Variants in ANKS1A observed in about 807,000 individuals in gnomAD.
The protein encoded by ANKS1A is ankyrin repeat and SAM domain-containing protein 1A.
In ANKS1A, 55 loss-of-function variants were observed where a neutral mutation model predicts 120.3. The observed-to-expected ratio is 0.46, with a 90% CI of 0.37 to 0.57. The LOEUF (loss-of-function observed/expected upper bound fraction) is 0.57. ANKS1A is among the 20% of genes least tolerant of loss of function. The probability of loss-of-function intolerance (pLI) is 0.00; values close to 1 mark genes in which losing one functional copy is unlikely to be tolerated. For synonymous variants in ANKS1A, 590 were observed against 604.7 expected, an observed-to-expected ratio of 0.98 and a Z score of 0.36; for missense variants, 1,123 against 1,480.3, an observed-to-expected ratio of 0.76 and a Z score of 3.96.
At chr6:35,095,596 G>A (rs1244884890), downstream of ANKS1A, among the ~76,000 whole-genome samples, 7 of 81,602 alleles carry the variant, frequency 8.6e-5, no homozygotes, top group Admixed American at 1.2e-4. Context: ...AAGAAAGAGA[G>A]AAAGAAAGAG....
At chr6:34,975,194 G>A (rs1190543199) in intron 3 of ANKS1A, among the ~76,000 whole-genome samples, 1 of 152,078 alleles carries the variant, frequency 6.6e-6, no homozygotes, top group Non-Finnish European at 1.5e-5. Context: ...GGAATTACAG[G>A]CATAATCCCA....
intron 1 of ANKS1A, among the ~76,000 whole-genome samples, chr6:34,906,399 G>A (rs997833647): frequency 1.3e-5 from 2 of 152,198 alleles, no homozygotes; most frequent in Non-Finnish European, 2.9e-5. Context: ...CTCTCTGCTC[G>A]TGAAACTTTC....
In ANKS1A at chr6:34,981,732, G is replaced by A; in HGVS notation, c.478G>A (p.Gly160Ser). ...ETALHCAAQYGHTEVVKVLLE... is the reference protein window; with the variant it reads ...ETALHCAAQYSHTEVVKVLLE... The stretch of plus-strand genomic sequence containing the variant: ...AGCCCTGCATTGTGCAGCGCAGTAT[G>A]GCCACACAGAGGTGGTGAAGGTGCT... Residue 160 changes from glycine (G) to serine (S), a missense_variant, in exon 4 of 24, where the codon GGC becomes AGC. Physicochemically the swap from Gly to Ser is moderately conservative, Grantham distance 56. Coordinates refer to ENST00000360359, the MANE Select transcript of ANKS1A (RefSeq NM_015245.3). 6.2e-7 allele frequency: 1 copy of A among 1,614,172 alleles called. No individual in the cohort carries two copies. The highest frequency in any genetic ancestry group is 8.5e-7 in the Non-Finnish European group (1 of 1,180,032).
At chr6:34,895,288 A>C (rs1767017569) in intron 1 of ANKS1A, among the ~76,000 whole-genome samples, 1 of 150,496 alleles carries the variant, frequency 6.6e-6, no homozygotes, top group Non-Finnish European at 1.5e-5. Context: ...GGCTCAATTG[A>C]TCCTCCTGCC....
rs1362998604 is a variant in ANKS1A at position 35,085,443 on chromosome 6, A to G, written c.3133-323A>G. On this transcript the variant is annotated intron_variant, in intron 21 of 23. Coordinates refer to ENST00000360359, the MANE Select transcript of ANKS1A (RefSeq NM_015245.3). The surrounding 1 kb of genome is among the most constrained non-coding windows in gnomAD (Gnocchi z 4.7). ...GTGACACATTAAAAATAAAAGCACT[A>G]GCACCACTTACATTAAATGGTAAGA... Among the ~76,000 whole-genome samples the G allele has an allele frequency of 6.6e-6, 1 of 152,200 alleles. No individual in the cohort carries two copies. Among genetic ancestry groups the G allele is most frequent in the African/African-American group, 2.4e-5 (1 of 41,440 alleles).
chr6:34,907,143 G>A (rs911700891), intron 1 of ANKS1A, among the ~76,000 whole-genome samples: 3 of 152,110 alleles, frequency 2.0e-5, no homozygotes, highest in African/African-American at 7.2e-5. Context: ...AAATTGTCAA[G>A]GCTGAGAAAG....
chr6:34,893,733 A>C (rs1244244155), intron 1 of ANKS1A, among the ~76,000 whole-genome samples: 1 of 152,220 alleles, frequency 6.6e-6, no homozygotes, highest in African/African-American at 2.4e-5. Flanking sequence ...CAGAGAAAGC[A>C]CACAAATTTA....
chr6:34,932,421 G>A (rs1001709577), intron 1 of ANKS1A, among the ~76,000 whole-genome samples: 1 of 152,070 alleles, frequency 6.6e-6, no homozygotes, highest in African/African-American at 2.4e-5. Context: ...CAGGCGATCC[G>A]CCTGAGGATC....
At chr6:34,902,494 C>T (rs1316770800) in intron 1 of ANKS1A, among the ~76,000 whole-genome samples, 2 of 152,064 alleles carry the variant, frequency 1.3e-5, no homozygotes, top group Non-Finnish European at 2.9e-5. Context: ...ATGATCCACC[C>T]GCCTCGGCCT....
Position 34,985,265 on chromosome 6 carries a change from C to CTG in ANKS1A, c.1197_1198dup (p.Gly400ValfsTer3). 1 of 1,613,706 alleles carries CTG rather than the reference C, an allele frequency of 6.2e-7. No homozygotes were observed. The highest frequency in any genetic ancestry group is 8.5e-7 in the Non-Finnish European group (1 of 1,179,898). ...GCTGAGGCAGCAGGAGTGAAACCTG[C>CTG]TGGAGTGAGGCCTGTATGTGACCCG... On this transcript the variant is annotated frameshift_variant, in exon 8 of 24. Transcript: ENST00000360359. LOFTEE classifies it high-confidence loss of function.
At chr6:34,991,693 C>CGT (rs1772552679) in intron 9 of ANKS1A, among the ~76,000 whole-genome samples, 1 of 29,264 alleles carries the variant, frequency 3.4e-5, no homozygotes, top group Non-Finnish European at 2.8e-4. Context: ...CATATATACA[C>CGT]ATATATATAC....
intron 3 of ANKS1A, among the ~76,000 whole-genome samples, chr6:34,976,147 A>AAAAAGAAAAG (rs1554140067): frequency 6.9e-6 from 1 of 145,738 alleles, no homozygotes; most frequent in Non-Finnish European, 1.5e-5. Flanking sequence ...AAAAAAAAAA[A>AAAAAGAAAAG]AAAAGAAAAG....
In ANKS1A at chr6:34,921,493, A is replaced by C. The variant is rs148711209; in HGVS notation, c.197+31894A>C. ...TCCAGCCTTTTTATAACATCGCTAC[A>C]TTTTAATTTTTTATTTGCATATTTA... On this transcript the variant is annotated intron_variant, in intron 1 of 23. Coordinates refer to ENST00000360359, the MANE Select transcript of ANKS1A (RefSeq NM_015245.3). Among the ~76,000 whole-genome samples the C allele has an allele frequency of 5.3e-5, 8 of 152,312 alleles. No individual in the cohort carries two copies. In the East Asian group the frequency reaches 1.2e-3, roughly 22 times the overall value.
At position 34,985,108 on chromosome 6, in the gene ANKS1A, C is replaced by T; in HGVS notation, c.1039C>T (p.Leu347=). 2 of 1,613,994 alleles carry T rather than the reference C, an allele frequency of 1.2e-6. No individual in the cohort carries two copies. The highest frequency in any genetic ancestry group is 8.5e-7 in the Non-Finnish European group (1 of 1,179,944). The change falls in exon 8 of 24, where the codon CTG becomes TTG. Residue 347 remains leucine (L), a synonymous_variant. Transcript: ENST00000360359. ...QGDVEKAVTE[L]IIDFDANAEE... ...TGACGTGGAGAAAGCAGTGACTGAA[C>T]TGATTATAGATTTTGATGCAAATGC...
intron 13 of ANKS1A, among the ~76,000 whole-genome samples, chr6:35,077,438 A>C (rs1037027193): frequency 6.6e-6 from 1 of 152,184 alleles, no homozygotes; most frequent in African/African-American, 2.4e-5. Context: ...CAAGGCACCG[A>C]GCGTGTGCGA....
chr6:34,944,843 A>G (rs941781543), intron 1 of ANKS1A, among the ~76,000 whole-genome samples: 10 of 152,320 alleles, frequency 6.6e-5, no homozygotes, highest in Middle Eastern at 3.4e-3. Context: ...AAATGATTTT[A>G]CAAAGATTTT....
At position 35,082,856 on chromosome 6, in the gene ANKS1A, G is replaced by A; in HGVS notation, c.2835+40G>A. The A allele has an allele frequency of 6.3e-7, 1 of 1,588,018 alleles. No homozygotes were observed. The highest frequency in any genetic ancestry group is 8.6e-7 in the Non-Finnish European group (1 of 1,167,320). ...CCCTCCCAGCAGGGCCGGCCTCCCTGCTCCTTCTCGGCCAGGCACCTGCGG... is the reference window on the plus strand; with the variant it reads ...CCCTCCCAGCAGGGCCGGCCTCCCTACTCCTTCTCGGCCAGGCACCTGCGG... On this transcript the variant is annotated intron_variant, in intron 18 of 23. Transcript: ENST00000360359. The surrounding 1 kb of genome is among the most constrained non-coding windows in gnomAD (Gnocchi z 4.1).
In ANKS1A at chr6:35,017,690, G is replaced by A. The variant is rs1301029601; in HGVS notation, c.1641G>A (p.Thr547=). ...AGGCCAGCATGCAGCTGGAGGAGAC[G>A]GGTGTGCATGCTCCTGGAGCCTCCC... ...CHKASMQLEE[T]GVHAPGASQP... The change falls in exon 11 of 24, where the codon ACG becomes ACA. Residue 547 remains threonine (T), a synonymous_variant. Transcript: ENST00000360359. The A allele has an allele frequency of 6.8e-6, 11 of 1,614,008 alleles. No homozygotes were observed. The East Asian group carries it at 1.3e-4, about 20-fold the overall frequency.
chr6:35,001,527 A>G (rs1773165140), intron 10 of ANKS1A, among the ~76,000 whole-genome samples: 1 of 152,166 alleles, frequency 6.6e-6, no homozygotes. Context: ...GCTATATCTC[A>G]AAGTCCAGCA....
Sources: allele counts gnomAD v4.1 joint callset (sites outside exome capture counted in the v4.1 genomes callset), GRCh38; gene constraint gnomAD v4.1.1; non-coding constraint Gnocchi (gnomAD v3.1); transcripts MANE v1.5; gene names NCBI Gene and HGNC (gene_info 2026-07-23, HGNC 2026-07-21).